Variants in EML1 observed in about 807,000 individuals in gnomAD.
The protein encoded by EML1 is echinoderm microtubule-associated protein-like 1.
EML1 carries 27 observed loss-of-function variants against 110.4 expected under a neutral mutation model. The observed-to-expected ratio is 0.24, with a 90% CI of 0.18 to 0.34. EML1 has a LOEUF of 0.34. EML1 is among the 10% of genes least tolerant of loss of function. EML1 has a pLI of 1.00. For missense variants in EML1, 741 were observed against 1,030.9 expected, an observed-to-expected ratio of 0.72 and a Z score of 3.85; for synonymous variants, 344 against 385.8, an observed-to-expected ratio of 0.89 and a Z score of 1.27.
chr14:99,932,373 C>A (rs907756924), intron 17 of EML1, among the ~76,000 whole-genome samples: 4 of 152,134 alleles, frequency 2.6e-5, no homozygotes, highest in African/African-American at 9.7e-5. Context: ...CGCGGTGGCT[C>A]ACATCTGTAA....
chr14:99,752,771 A>G (rs2057191396), intron 1 of EML1, among the ~76,000 whole-genome samples: 1 of 152,202 alleles, frequency 6.6e-6, no homozygotes, highest in African/African-American at 2.4e-5. Context: ...TGGCTCTGAG[A>G]AAACAGGGTC....
intron 3 of EML1, chr14:99,874,902 TG>T: frequency 6.3e-7 from 1 of 1,597,154 alleles, no homozygotes; most frequent in Non-Finnish European, 8.5e-7. Context: ...ACATTTATTC[TG>T]CTTTATTTCT....
At chr14:99,811,909 C>T (rs1310047722) in intron 1 of EML1, among the ~76,000 whole-genome samples, 5 of 151,752 alleles carry the variant, frequency 3.3e-5, no homozygotes, top group African/African-American at 9.7e-5. Context: ...GGCAGTGGAT[C>T]ATCACAAAGG....
intron 1 of EML1, among the ~76,000 whole-genome samples, chr14:99,762,540 A>G (rs930211197): frequency 6.6e-6 from 1 of 152,146 alleles, no homozygotes. Flanking sequence ...ACTCATGCCT[A>G]TAATCCCAGC....
At chr14:99,927,395 A>G (rs992623867) in intron 17 of EML1, among the ~76,000 whole-genome samples, 3 of 152,112 alleles carry the variant, frequency 2.0e-5, no homozygotes, top group Non-Finnish European at 2.9e-5. Flanking sequence ...TGTATTTCCC[A>G]TAAAGTGATT....
rs1408054967 is a variant in EML1, at chr14:99,914,262, C to T, written c.1578C>T (p.Val526=). Residue 526 remains valine, a synonymous_variant, in exon 14 of 22, where the codon GTC becomes GTT. Coordinates refer to ENST00000262233, the MANE Select transcript of EML1 (RefSeq NM_004434.3). Reference sequence around the variant, plus strand: ...TGATTGGCACAACTCGAAACTTTGTCCTGCAGGGCACTCTGTCAGGGGACT... The same window carrying T: ...TGATTGGCACAACTCGAAACTTTGTTCTGCAGGGCACTCTGTCAGGGGACT... ...VILIGTTRNF[V]LQGTLSGDFT... is the part of the protein sequence containing the mutation. 1 of 1,613,960 alleles carries T rather than the reference C, an allele frequency of 6.2e-7. No homozygotes were observed.
chr14:99,794,723 T>C (rs1288794231), intron 1 of EML1, among the ~76,000 whole-genome samples: 1 of 152,204 alleles, frequency 6.6e-6, no homozygotes, highest in Non-Finnish European at 1.5e-5. Context: ...TAATTCCCTC[T>C]TCAGTGGAAT....
At chr14:99,918,309 G>A (rs1203539841) in intron 16 of EML1, among the ~76,000 whole-genome samples, 1 of 152,062 alleles carries the variant, frequency 6.6e-6, no homozygotes, top group Admixed American at 6.6e-5. Context: ...TGTTGCCCAG[G>A]CTGGTCTTGA....
intron 1 of EML1, among the ~76,000 whole-genome samples, chr14:99,748,480 A>T (rs1251025266): frequency 6.6e-6 from 1 of 151,608 alleles, no homozygotes; most frequent in African/African-American, 2.4e-5. Flanking sequence ...TATAATTCAC[A>T]CATTTAGACC....
intron 17 of EML1, among the ~76,000 whole-genome samples, chr14:99,933,315 A>G (rs1300058822): frequency 1.3e-5 from 2 of 152,156 alleles, no homozygotes; most frequent in Non-Finnish European, 2.9e-5. Context: ...AGCTGGGGCT[A>G]CAGGTGTGTG....
intron 1 of EML1, among the ~76,000 whole-genome samples, chr14:99,754,243 C>T (rs964745769): frequency 3.0e-4 from 46 of 152,246 alleles, no homozygotes; most frequent in Non-Finnish European, 4.4e-4. Flanking sequence ...CACTAAGCTG[C>T]TTCTTGTGAC....
chr14:99,815,309 T>A (rs1405415314), intron 1 of EML1, among the ~76,000 whole-genome samples: 5 of 151,814 alleles, frequency 3.3e-5, no homozygotes, highest in African/African-American at 1.2e-4. Flanking sequence ...TCCCGGCTAA[T>A]TTTTTGTATT....
chr14:99,741,397 A>G (rs895103504), intron 1 of EML1, among the ~76,000 whole-genome samples: 3 of 151,620 alleles, frequency 2.0e-5, no homozygotes, highest in African/African-American at 7.3e-5. Flanking sequence ...ACCTCCCCCA[A>G]TGCCCTGCAG....
chr14:99,877,664 G>A lies in EML1; in HGVS notation c.384-821G>A, dbSNP rs1376295250. Among the ~76,000 whole-genome samples, 31 of 152,174 alleles carry A rather than the reference G, an allele frequency of 2.0e-4. 1 individual carries two copies. Among genetic ancestry groups the A allele is most frequent in the Admixed American group, 2.0e-3 (31 of 15,280 alleles). On this transcript the variant is annotated intron_variant, in intron 3 of 21. Transcript: ENST00000262233. ...AAACAAAGGCATTGTACACAGGGTG[G>A]AACGTTTCTGTCGTTACTCGTGACG...
At chr14:99,774,309 T>A (rs1317338832) in intron 1 of EML1, among the ~76,000 whole-genome samples, 1 of 152,168 alleles carries the variant, frequency 6.6e-6, no homozygotes, top group East Asian at 1.9e-4. Context: ...ACCTCCACCC[T>A]AACCCGCATC....
chr14:99,739,639 G>A (rs1011189747), intron 1 of EML1, among the ~76,000 whole-genome samples: 3 of 152,302 alleles, frequency 2.0e-5, no homozygotes, highest in Non-Finnish European at 4.4e-5. Context: ...AGAATGCCAC[G>A]TGACGGTCTT....
intron 1 of EML1, among the ~76,000 whole-genome samples, chr14:99,779,966 A>G (rs1365551002): frequency 6.6e-6 from 1 of 152,218 alleles, no homozygotes; most frequent in African/African-American, 2.4e-5. Flanking sequence ...GACTCAAACA[A>G]CAGAAATTTA....
intron 1 of EML1, among the ~76,000 whole-genome samples, chr14:99,826,877 A>G (rs2058369654): frequency 6.6e-6 from 1 of 152,240 alleles, no homozygotes; most frequent in Non-Finnish European, 1.5e-5. Context: ...GGAATATTCT[A>G]CACAACAAAG....
upstream of EML1, chr14:99,793,371 G>GCCGGCC (rs2057704955): frequency 1.8e-5 from 18 of 992,474 alleles, no homozygotes; most frequent in Non-Finnish European, 2.2e-5. Context: ...CCACAGCAGG[G>GCCGGCC]CCGGCCCCAG....
Sources: allele counts gnomAD v4.1 joint callset (sites outside exome capture counted in the v4.1 genomes callset), GRCh38; gene constraint gnomAD v4.1.1; transcripts MANE v1.5; gene names NCBI Gene and HGNC (gene_info 2026-07-23, HGNC 2026-07-21).